GRIN3A: variants seen among roughly 807,000 people sequenced by gnomAD.
GRIN3A encodes the protein glutamate ionotropic receptor NMDA type subunit 3A.
In GRIN3A, 47 loss-of-function variants were observed where a neutral mutation model predicts 92.4. The observed-to-expected ratio is 0.51, with a 90% confidence interval of 0.40 to 0.65. The LOEUF (loss-of-function observed/expected upper bound fraction) is 0.65, where lower values mean the gene tolerates loss of function less well. Ranked by LOEUF, GRIN3A falls within the 30% of genes least tolerant of loss-of-function variation. The pLI is 0.00. For missense variants in GRIN3A, 1,324 were observed against 1,393.1 expected, an observed-to-expected ratio of 0.95 and a Z score of 0.79; for synonymous variants, 527 against 540.6, an observed-to-expected ratio of 0.97 and a Z score of 0.35.
intron 1 of GRIN3A, among the ~76,000 whole-genome samples, chr9:101,711,924 C>G (rs147301498): frequency 4.1e-4 from 62 of 152,278 alleles, no homozygotes; most frequent in African/African-American, 1.3e-3. Flanking sequence ...CATCAACCAG[C>G]AGGGTAAAGG....
At chr9:101,657,238 G>A (rs183337395) in intron 3 of GRIN3A, among the ~76,000 whole-genome samples, 297 of 151,966 alleles carry the variant, frequency 2.0e-3, no homozygotes, top group Middle Eastern at 6.8e-3. Flanking sequence ...TTTCATGAGT[G>A]CCAATTCAGT....
At chr9:101,577,142 A>T (rs1827836197) in intron 8 of GRIN3A, among the ~76,000 whole-genome samples, 1 of 152,198 alleles carries the variant, frequency 6.6e-6, no homozygotes, top group Non-Finnish European at 1.5e-5. Flanking sequence ...TTTCCTATTA[A>T]TAAGATGCTC....
At chr9:101,606,225 C>T (rs781779083) in intron 6 of GRIN3A, among the ~76,000 whole-genome samples, 5 of 152,196 alleles carry the variant, frequency 3.3e-5, no homozygotes, top group African/African-American at 1.2e-4. Context: ...CCATGAGGGA[C>T]AGTGCTGGAC....
chr9:101,587,933 T>G (rs1019279459), intron 6 of GRIN3A, among the ~76,000 whole-genome samples: 1 of 152,210 alleles, frequency 6.6e-6, no homozygotes, highest in Non-Finnish European at 1.5e-5. Context: ...TATTTATTTA[T>G]TTATTTATTG....
At chr9:101,702,373 T>A (rs1375349561) in intron 1 of GRIN3A, among the ~76,000 whole-genome samples, 1 of 152,156 alleles carries the variant, frequency 6.6e-6, no homozygotes, top group Non-Finnish European at 1.5e-5. Flanking sequence ...TCACCATCCA[T>A]CCAAACAACT....
intron 6 of GRIN3A, 122 bp from the exon 7 acceptor site, chr9:101,579,482 A>G (rs1396987646): frequency 3.2e-6 from 3 of 936,680 alleles, no homozygotes; most frequent in Non-Finnish European, 5.0e-6. Context: ...GCTGGAGACT[A>G]TTTCTCCCTG....
In GRIN3A at chr9:101,670,338, G is replaced by C; in HGVS notation, c.2074C>G (p.Leu692Val). 6.2e-7 allele frequency: 1 copy of C among 1,614,012 alleles called. No individual in the cohort carries two copies. Among genetic ancestry groups the C allele is most frequent in the Non-Finnish European group, 8.5e-7 (1 of 1,179,970 alleles). Residue 692 changes from leucine (L) to valine (V), a missense_variant, in exon 3 of 9, where the codon CTC (leucine) becomes GTC (valine). Physicochemically the swap from Leu to Val is conservative, Grantham distance 32 (BLOSUM62 1). Coordinates refer to ENST00000361820, the MANE Select transcript of GRIN3A (RefSeq NM_133445.3). ...GGACTCTTCCATTCATACAGAGTGA[G>C]GAAGACGGCAGTGATGTGCAGAGCC... ...FVALHITAVF[L>V]TLYEWKSPFG...
intron 1 of GRIN3A, among the ~76,000 whole-genome samples, chr9:101,736,614 A>G (rs984017485): frequency 6.6e-6 from 1 of 152,192 alleles, no homozygotes; most frequent in African/African-American, 2.4e-5. Flanking sequence ...CAATCCCCAA[A>G]TAAATCTCCC....
chr9:101,679,564 G>C (rs954821631), intron 2 of GRIN3A, among the ~76,000 whole-genome samples: 1 of 152,172 alleles, frequency 6.6e-6, no homozygotes, highest in African/African-American at 2.4e-5. Flanking sequence ...ATTCCAGCCA[G>C]ATCATTCGGC....
At chr9:101,577,679 T>G (rs903553058) in intron 8 of GRIN3A, 89 bp downstream of exon 8, 2 of 953,244 alleles carry the variant, frequency 2.1e-6, no homozygotes, top group Admixed American at 3.4e-5. Flanking sequence ...TTTGATAAAT[T>G]GCCCTGATTT....
At chr9:101,602,869 A>G (rs1312720729) in intron 6 of GRIN3A, 2 of 152,170 alleles carry the variant, frequency 1.3e-5, no homozygotes, top group Admixed American at 6.5e-5. Flanking sequence ...GGAAAACAAG[A>G]CCAGAGAATT....
intron 6 of GRIN3A, among the ~76,000 whole-genome samples, chr9:101,609,376 A>G (rs1828328464): frequency 1.3e-5 from 2 of 152,232 alleles, no homozygotes; most frequent in South Asian, 2.1e-4. Context: ...CTGTGCTTCC[A>G]TAAATGACCT....
chr9:101,634,764 A>G (rs1028144118), intron 3 of GRIN3A, among the ~76,000 whole-genome samples: 1 of 152,198 alleles, frequency 6.6e-6, no homozygotes, highest in African/African-American at 2.4e-5. Context: ...TTGTGCTGCA[A>G]CTTCAGAATC....
At chr9:101,662,919 C>T (rs566379031) in intron 3 of GRIN3A, among the ~76,000 whole-genome samples, 47 of 151,880 alleles carry the variant, frequency 3.1e-4, no homozygotes, top group Admixed American at 6.6e-4. Context: ...GTACATGGAG[C>T]CTGTAGGAAG....
intron 1 of GRIN3A, among the ~76,000 whole-genome samples, chr9:101,715,718 T>C (rs1829937177): frequency 6.6e-6 from 1 of 152,124 alleles, no homozygotes; most frequent in Non-Finnish European, 1.5e-5. Flanking sequence ...TACATGACAA[T>C]TTCAGGAGTT....
At chr9:101,695,001 C>T (rs1455623651) in intron 1 of GRIN3A, among the ~76,000 whole-genome samples, 1 of 152,104 alleles carries the variant, frequency 6.6e-6, no homozygotes, top group East Asian at 1.9e-4. Flanking sequence ...TATTGTTCTT[C>T]GATTTACCAA....
chr9:101,596,412 G>C (rs1828134182), intron 6 of GRIN3A, among the ~76,000 whole-genome samples: 1 of 152,148 alleles, frequency 6.6e-6, no homozygotes, highest in Non-Finnish European at 1.5e-5. Flanking sequence ...GGTACAGTTT[G>C]CATATAAGCC....
Position 101,613,379 on chromosome 9 carries a change from C to A in GRIN3A, c.2763G>T (p.Thr921=). ...VPCGKRSFAV[T]ETLQMGIKHF... Reference sequence around the variant, plus strand: ...ATTTTCAACAGTCTTTCCATACCTCCGTGACAGCAAAACTTCTCTTGCCAC... The same window carrying A: ...ATTTTCAACAGTCTTTCCATACCTCAGTGACAGCAAAACTTCTCTTGCCAC... The change falls in exon 6 of 9, where the codon ACG becomes ACT. Residue 921 remains threonine, a synonymous_variant. Transcript: ENST00000361820. 6.2e-7 allele frequency: 1 copy of A among 1,614,154 alleles called. No homozygotes were observed.
intron 1 of GRIN3A, among the ~76,000 whole-genome samples, chr9:101,707,117 A>G (rs1829823685): frequency 6.6e-6 from 1 of 152,222 alleles, no homozygotes; most frequent in Non-Finnish European, 1.5e-5. Flanking sequence ...TGAAATGTCA[A>G]CTGTGCAAAC....
Sources: allele counts gnomAD v4.1 joint callset (sites outside exome capture counted in the v4.1 genomes callset), GRCh38; gene constraint gnomAD v4.1.1; transcripts MANE v1.5; gene names NCBI Gene and HGNC (gene_info 2026-07-23, HGNC 2026-07-21).